CSMD1: variants seen among roughly 807,000 people sequenced by gnomAD.
CSMD1 encodes CUB and sushi domain-containing protein 1.
A neutral mutation model predicts 417.5 loss-of-function variants in CSMD1; 213 were observed. The observed-to-expected ratio is 0.51, with a 90% CI of 0.46 to 0.57. CSMD1 has a LOEUF of 0.57. Ranked by LOEUF, CSMD1 falls within the 20% of genes least tolerant of loss-of-function variation. CSMD1 has a pLI of 0.00. For synonymous variants in CSMD1, 2,862 were observed against 1,736.8 expected (o/e 1.65, Z -16.11); for missense variants, 6,923 against 4,529.7 (o/e 1.53, Z -15.17).
chr8:3,601,282 G>A (rs576534431), intron 8 of CSMD1, among the ~76,000 whole-genome samples: 25 of 152,242 alleles, frequency 1.6e-4, no homozygotes, highest in Admixed American at 9.8e-4. Flanking sequence ...TTTTTGCTGC[G>A]GGGAAACAAA....
chr8:3,768,149 G>A (rs1483294716), intron 5 of CSMD1, among the ~76,000 whole-genome samples: 1 of 152,180 alleles, frequency 6.6e-6, no homozygotes, highest in Non-Finnish European at 1.5e-5. Context: ...GGGGTGGACA[G>A]TAAGGTAGGA....
chr8:4,843,854 G>A, intron 1 of CSMD1, among the ~76,000 whole-genome samples: 1 of 152,204 alleles, frequency 6.6e-6, no homozygotes, highest in East Asian at 1.9e-4. Flanking sequence ...TGAATTTGGA[G>A]TCAACCGCAA....
intron 3 of CSMD1, among the ~76,000 whole-genome samples, chr8:4,216,595 G>A (rs557260727): frequency 2.6e-5 from 4 of 152,318 alleles, no homozygotes; most frequent in South Asian, 2.1e-4. Context: ...CCAGATGGAA[G>A]GTGCTGAGGA....
chr8:3,631,390 G>T, intron 7 of CSMD1, among the ~76,000 whole-genome samples: 1 of 152,184 alleles, frequency 6.6e-6, no homozygotes, highest in East Asian at 1.9e-4. Context: ...GTCAGTGACT[G>T]GAGTAGCAAA....
chr8:4,275,444 G>A (rs1232182455), intron 3 of CSMD1, among the ~76,000 whole-genome samples: 1 of 152,066 alleles, frequency 6.6e-6, no homozygotes, highest in African/African-American at 2.4e-5. Flanking sequence ...TGATACTATG[G>A]CCTTTATTTA....
At chr8:4,854,247 T>A (rs996062859) in intron 1 of CSMD1, among the ~76,000 whole-genome samples, 1 of 152,126 alleles carries the variant, frequency 6.6e-6, no homozygotes, top group Non-Finnish European at 1.5e-5. Context: ...TCTCTATAAG[T>A]CTTATGTTGA....
chr8:3,098,608 C>T (rs1296037354), intron 46 of CSMD1, among the ~76,000 whole-genome samples: 1 of 152,078 alleles, frequency 6.6e-6, no homozygotes, highest in African/African-American at 2.4e-5. Context: ...ATTGAAACAA[C>T]TGAGTTAAAG....
intron 1 of CSMD1, among the ~76,000 whole-genome samples, chr8:4,682,615 G>A (rs1034870365): frequency 6.6e-6 from 1 of 151,874 alleles, no homozygotes; most frequent in African/African-American, 2.4e-5. Flanking sequence ...TAAGGACATA[G>A]GCTTCTTAAA....
At chr8:3,329,805 C>A (rs1157806031) in intron 23 of CSMD1, among the ~76,000 whole-genome samples, 2 of 152,176 alleles carry the variant, frequency 1.3e-5, no homozygotes, top group South Asian at 2.1e-4. Flanking sequence ...TGCCTTCTCT[C>A]CTTGTCTGCT....
At chr8:4,256,582 G>C (rs1013755113) in intron 3 of CSMD1, among the ~76,000 whole-genome samples, 2 of 152,122 alleles carry the variant, frequency 1.3e-5, no homozygotes, top group Non-Finnish European at 2.9e-5. Context: ...CATGGGAAGG[G>C]GTTTACCCTC....
intron 1 of CSMD1, among the ~76,000 whole-genome samples, chr8:4,970,950 G>A (rs1212294404): frequency 6.6e-6 from 1 of 152,036 alleles, no homozygotes; most frequent in Admixed American, 6.6e-5. Flanking sequence ...GTTAACATAT[G>A]ATATCAGTGT....
At chr8:4,777,162 C>A (rs968133585) in intron 1 of CSMD1, among the ~76,000 whole-genome samples, 1 of 152,166 alleles carries the variant, frequency 6.6e-6, no homozygotes, top group African/African-American at 2.4e-5. Context: ...TAAACACAGT[C>A]CATTTCAACT....
At chr8:4,121,234 C>A (rs1201803413) in intron 3 of CSMD1, among the ~76,000 whole-genome samples, 1 of 152,076 alleles carries the variant, frequency 6.6e-6, no homozygotes, top group Non-Finnish European at 1.5e-5. Context: ...CCTGCCTCAG[C>A]CTCCCAGCTA....
rs1585036238 is a variant in CSMD1, at chr8:3,349,399, G to A, written c.3305-1238C>T. Reference sequence around the variant, plus strand: ...CCATGATTGCCCCCCAGTGATTTGTGCACGTTGAATCTCAGAATGCCTCCA... The same window carrying A: ...CCATGATTGCCCCCCAGTGATTTGTACACGTTGAATCTCAGAATGCCTCCA... On this transcript the variant is annotated intron_variant, in intron 21 of 69. Coordinates refer to ENST00000635120, the MANE Select transcript of CSMD1 (RefSeq NM_033225.6). Among the ~76,000 whole-genome samples, 3 of 152,218 alleles carry A rather than the reference G, an allele frequency of 2.0e-5. No individual in the cohort carries two copies. The South Asian group carries it at 6.2e-4, about 32-fold the overall frequency.
At chr8:3,782,540 A>T (rs904295644) in intron 5 of CSMD1, among the ~76,000 whole-genome samples, 2 of 152,224 alleles carry the variant, frequency 1.3e-5, no homozygotes, top group East Asian at 3.8e-4. Flanking sequence ...AGAAATACCT[A>T]AGGTAAATGA....
chr8:4,842,311 A>G (rs1005388873), intron 1 of CSMD1, among the ~76,000 whole-genome samples: 72 of 152,340 alleles, frequency 4.7e-4, no homozygotes, highest in African/African-American at 1.4e-3. Flanking sequence ...TGGAAAAATT[A>G]TTTACCAGAA....
chr8:3,873,834 G>T (rs1281207370), intron 5 of CSMD1, among the ~76,000 whole-genome samples: 1 of 152,176 alleles, frequency 6.6e-6, no homozygotes, highest in Non-Finnish European at 1.5e-5. Context: ...GGTGTTTGTA[G>T]TTTCTGGATG....
At chr8:4,035,230 G>T (rs1318764533) in intron 3 of CSMD1, among the ~76,000 whole-genome samples, 1 of 152,092 alleles carries the variant, frequency 6.6e-6, no homozygotes, top group East Asian at 1.9e-4. Flanking sequence ...CTGTGGTGAC[G>T]CCGGTGTGAA....
intron 5 of CSMD1, among the ~76,000 whole-genome samples, chr8:3,889,259 T>G (rs1386205551): frequency 6.6e-6 from 1 of 151,720 alleles, no homozygotes; most frequent in Non-Finnish European, 1.5e-5. Context: ...AGAGATTTCT[T>G]AAATGTTTTT....
Sources: gnomAD v4.1 joint callset for allele counts (sites outside exome capture counted in the v4.1 genomes callset) on GRCh38, gnomAD v4.1.1 for gene constraint, MANE v1.5 for transcripts, NCBI Gene and HGNC (gene_info 2026-07-23, HGNC 2026-07-21) for gene names.